The following JAZF1 variants were observed in gnomAD, a reference collection of about 807,000 sequenced individuals.
JAZF1 encodes juxtaposed with another zinc finger protein 1.
Under a neutral mutation model 26.4 loss-of-function variants are expected in JAZF1, and 8 were observed. The ratio of observed to expected loss-of-function variants is 0.30; its 90% CI spans 0.18 to 0.55. The LOEUF (loss-of-function observed/expected upper bound fraction) is 0.55. Among genes scored for constraint, JAZF1 ranks in the 20% least tolerant of loss-of-function variants. The probability of loss-of-function intolerance (pLI) is 0.94; values close to 1 mark genes in which losing one functional copy is unlikely to be tolerated. For missense variants in JAZF1, 199 were observed against 322.0 expected (o/e 0.62, Z 2.92); for synonymous variants, 126 against 122.3 (o/e 1.03, Z -0.20).
intron 1 of JAZF1, among the ~76,000 whole-genome samples, chr7:28,076,983 T>C (rs1198586580): frequency 3.3e-5 from 5 of 152,096 alleles, no homozygotes; most frequent in African/African-American, 1.2e-4. Flanking sequence ...CAACCAATTT[T>C]AAAGCCCGAA....
intron 1 of JAZF1, among the ~76,000 whole-genome samples, chr7:28,082,780 T>C (rs548006411): frequency 6.6e-6 from 1 of 152,210 alleles, no homozygotes; most frequent in South Asian, 2.1e-4. Flanking sequence ...CCACTTCCAA[T>C]TCCACTCCCA....
intron 2 of JAZF1, among the ~76,000 whole-genome samples, chr7:27,922,252 T>C (rs1054093830): frequency 4.6e-5 from 7 of 152,228 alleles, no homozygotes; most frequent in African/African-American, 1.2e-4. Flanking sequence ...TAAAGTATTC[T>C]TTTTTTGTTG....
chr7:27,866,804 T>C (rs983907010), intron 3 of JAZF1, among the ~76,000 whole-genome samples: 3 of 152,244 alleles, frequency 2.0e-5, no homozygotes, highest in African/African-American at 7.2e-5. Context: ...TAGGATTATA[T>C]TGCTGAATTT....
intron 2 of JAZF1, among the ~76,000 whole-genome samples, chr7:27,922,405 T>C (rs527440040): frequency 6.6e-6 from 1 of 152,020 alleles, no homozygotes; most frequent in Admixed American, 6.6e-5. Context: ...CACACCACCA[T>C]GTCTGGCTAA....
At position 27,832,479 on chromosome 7, in the gene JAZF1, A is replaced by G. The variant is rs911448832; in HGVS notation, c.*321T>C. 3 of 242,074 alleles carry G rather than the reference A, an allele frequency of 1.2e-5. No homozygotes were observed. The highest frequency in any genetic ancestry group is 1.7e-4 in the South Asian group (1 of 5,870). The allele number at this position is 242,074 out of a possible 1,614,324, so 15.0% of individuals were successfully genotyped here. ...CCCCTCCTCCCCCCAGGTTGATACC[A>G]CCGCAATACAATTCAACAATATGCA... On this transcript the variant is annotated 3_prime_UTR_variant, in exon 5 of 5. Transcript: ENST00000283928.
intron 1 of JAZF1, among the ~76,000 whole-genome samples, chr7:28,124,273 C>T (rs1222940158): frequency 6.6e-6 from 1 of 152,194 alleles, no homozygotes; most frequent in Non-Finnish European, 1.5e-5. Context: ...CTGCAAGCCA[C>T]ACAAAGAGGC....
At chr7:27,973,033 C>G (rs10250579) in intron 2 of JAZF1, among the ~76,000 whole-genome samples, 1,950 of 149,962 alleles carry the variant, frequency 0.013, 46 homozygotes, top group African/African-American at 0.046. Flanking sequence ...ATGTTACAAC[C>G]AATTAGAGCT....
intron 1 of JAZF1, among the ~76,000 whole-genome samples, chr7:28,147,909 C>CA (rs1156293213): frequency 6.7e-6 from 1 of 150,098 alleles, no homozygotes; most frequent in Admixed American, 6.7e-5. Context: ...GACCCTGTCT[C>CA]AAAAAAAAGG....
At chr7:27,857,019 G>C (rs1783271293) in intron 3 of JAZF1, among the ~76,000 whole-genome samples, 1 of 152,278 alleles carries the variant, frequency 6.6e-6, no homozygotes, top group African/African-American at 2.4e-5. Context: ...CAGGGCCGCA[G>C]GTGGAGCTGC....
chr7:27,953,225 C>T (rs1785040019), intron 2 of JAZF1, among the ~76,000 whole-genome samples: 2 of 152,192 alleles, frequency 1.3e-5, no homozygotes, highest in Admixed American at 1.3e-4. Flanking sequence ...ATTTTTTAAG[C>T]TGTTCTAATC....
At chr7:27,845,771 C>G (rs556222512) in intron 3 of JAZF1, among the ~76,000 whole-genome samples, 1 of 151,618 alleles carries the variant, frequency 6.6e-6, no homozygotes. Context: ...CCCACAGTCA[C>G]ACAGCGGTCT....
intron 3 of JAZF1, among the ~76,000 whole-genome samples, chr7:27,868,109 C>T (rs183787746): frequency 1.5e-3 from 221 of 152,308 alleles, no homozygotes; most frequent in South Asian, 8.9e-3. Context: ...TGAGTGAATA[C>T]GACAACGGTG....
Position 28,045,040 on chromosome 7 carries a change from G to A in JAZF1, c.116-53059C>T, listed in dbSNP as rs370079628. ...AAACTCTGAATGAGGTGAGACCAGT[G>A]CCTAGCCTAAGGGGCAGGCAGGAAG... is the stretch of plus-strand genomic sequence containing the variant. On this transcript the variant is annotated intron_variant, in intron 1 of 4. Transcript: ENST00000283928. Among the ~76,000 whole-genome samples, 57 of 152,262 alleles carry A rather than the reference G, an allele frequency of 3.7e-4. No individual in the cohort carries two copies. In the South Asian group the frequency reaches 0.011, roughly 29 times the overall value.
chr7:28,019,380 T>G (rs761212091), intron 1 of JAZF1, among the ~76,000 whole-genome samples: 1 of 152,148 alleles, frequency 6.6e-6, no homozygotes, highest in Non-Finnish European at 1.5e-5. Context: ...CGGCTTGGAT[T>G]ATGCCCCTTC....
intron 1 of JAZF1, among the ~76,000 whole-genome samples, chr7:28,141,739 T>C (rs1256590577): frequency 6.6e-6 from 1 of 152,202 alleles, no homozygotes; most frequent in African/African-American, 2.4e-5. Flanking sequence ...ACTTTACATA[T>C]AGTTCTCTTA....
chr7:28,164,049 C>G (rs1189084553), intron 1 of JAZF1, among the ~76,000 whole-genome samples: 1 of 152,228 alleles, frequency 6.6e-6, no homozygotes, highest in Non-Finnish European at 1.5e-5. Flanking sequence ...GACACTTGAG[C>G]TCTAGTAGTC....
At chr7:28,016,304 A>T (rs1782892513) in intron 1 of JAZF1, among the ~76,000 whole-genome samples, 1 of 152,238 alleles carries the variant, frequency 6.6e-6, no homozygotes, top group Non-Finnish European at 1.5e-5. Flanking sequence ...TGAAGGAGTT[A>T]AAAACAGGTG....
At chr7:27,900,893 A>C (rs544071009) in intron 2 of JAZF1, among the ~76,000 whole-genome samples, 4 of 152,314 alleles carry the variant, frequency 2.6e-5, no homozygotes, top group Admixed American at 2.6e-4. Flanking sequence ...ATTTCCACAC[A>C]TAAAGATTTT....
At chr7:28,178,402 AATT>A (rs1294589745) in intron 1 of JAZF1, among the ~76,000 whole-genome samples, 7 of 152,172 alleles carry the variant, frequency 4.6e-5, no homozygotes, top group Non-Finnish European at 8.8e-5. Flanking sequence ...AATGGGGTAA[AATT>A]ATTACTCAGC....
Sources: allele counts gnomAD v4.1 joint callset (sites outside exome capture counted in the v4.1 genomes callset), GRCh38; gene constraint gnomAD v4.1.1; transcripts MANE v1.5; gene names NCBI Gene and HGNC (gene_info 2026-07-23, HGNC 2026-07-21).